BRF1: variants seen among roughly 807,000 people sequenced by gnomAD.
BRF1 encodes transcription factor IIIB 90 kDa subunit.
A neutral mutation model predicts 81.7 loss-of-function variants in BRF1; 59 were observed. That is an observed-to-expected ratio of 0.72 (90% CI 0.59 to 0.90). BRF1 has a LOEUF of 0.90. Ranked by LOEUF, BRF1 falls within the 40% of genes least tolerant of loss-of-function variation. BRF1 has a pLI of 0.00. For missense variants in BRF1, 1,050 were observed against 936.3 expected, an observed-to-expected ratio of 1.12 and a Z score of -1.58; for synonymous variants, 491 against 395.6, an observed-to-expected ratio of 1.24 and a Z score of -2.86.
In BRF1 at chr14:105,252,506, C is replaced by A. The variant is rs760328197; in HGVS notation, c.544+1G>T. The stretch of plus-strand genomic sequence containing the variant: ...CCCCAGCATCTCACCCAGATGCCTA[C>A]CTATGGCCGGCGCATTGATGCAGAG... On this transcript the variant is annotated splice_donor_variant, in intron 5 of 17. Transcript: ENST00000547530. LOFTEE classifies it high-confidence loss of function. The A allele has an allele frequency of 6.2e-7, 1 of 1,613,616 alleles. No homozygotes were observed. The highest frequency in any genetic ancestry group is 8.5e-7 in the Non-Finnish European group (1 of 1,179,896).
intron 10 of BRF1, among the ~76,000 whole-genome samples, chr14:105,224,248 A>C (rs1271656399): frequency 1.3e-5 from 2 of 152,240 alleles, no homozygotes; most frequent in African/African-American, 4.8e-5. Context: ...GCATGCCTGT[A>C]GTCCCAACTA....
At chr14:105,248,332 A>C in intron 5 of BRF1, 4 of 985,482 alleles carry the variant, frequency 4.1e-6, no homozygotes, top group Non-Finnish European at 4.8e-6. Context: ...CGCTAACTGA[A>C]GAACGGGCGC....
At chr14:105,257,405 C>T (rs766338184) in intron 3 of BRF1, among the ~76,000 whole-genome samples, 40 of 152,176 alleles carry the variant, frequency 2.6e-4, no homozygotes, top group Non-Finnish European at 4.3e-4. Flanking sequence ...ATGGTTAGGA[C>T]GCCAGCCCAC....
At chr14:105,258,885 C>CA (rs375486081) in intron 3 of BRF1, among the ~76,000 whole-genome samples, 38 of 149,624 alleles carry the variant, frequency 2.5e-4, no homozygotes, top group Middle Eastern at 6.8e-3. Context: ...TTCATGAAGA[C>CA]AAAAAAAAAT....
intron 1 of BRF1, among the ~76,000 whole-genome samples, chr14:105,308,768 A>C (rs138800733): frequency 6.6e-6 from 1 of 151,952 alleles, no homozygotes; most frequent in South Asian, 2.1e-4. Flanking sequence ...GGCATGAGCC[A>C]CTGTGCCCAG....
intron 10 of BRF1, among the ~76,000 whole-genome samples, 196 bp downstream of exon 10, chr14:105,225,873 C>A (rs1893002838): frequency 6.6e-6 from 1 of 152,200 alleles, no homozygotes; most frequent in African/African-American, 2.4e-5. Context: ...GTCTCCATCT[C>A]CTGACCTCGT....
At chr14:105,274,828 C>G (rs959557726) in intron 2 of BRF1, among the ~76,000 whole-genome samples, 3 of 152,252 alleles carry the variant, frequency 2.0e-5, no homozygotes, top group Non-Finnish European at 4.4e-5. Context: ...TTACTGCCCC[C>G]ACTTCTGTCT....
chr14:105,298,293 C>G (rs1368518385), intron 1 of BRF1, among the ~76,000 whole-genome samples: 2 of 152,092 alleles, frequency 1.3e-5, no homozygotes, highest in Non-Finnish European at 2.9e-5. Context: ...AAAGGAAGAA[C>G]AAAGGTTGAG....
At chr14:105,211,752 CAGTCCAGGTGAA>C in intron 16 of BRF1, 2 of 388,902 alleles carry the variant, frequency 5.1e-6, no homozygotes, top group Non-Finnish European at 9.5e-6. Flanking sequence ...CAACAAGTGA[CAGTCCAGGTGAA>C]AGACCCCTGA....
chr14:105,305,373 G>A (rs980825127), upstream of BRF1, among the ~76,000 whole-genome samples: 3 of 152,118 alleles, frequency 2.0e-5, no homozygotes, highest in Admixed American at 2.0e-4. Context: ...CTCCACTCCA[G>A]CCTGGGCGAC....
chr14:105,247,267 C>G (rs899590452), intron 5 of BRF1: 2 of 985,452 alleles, frequency 2.0e-6, no homozygotes, highest in Non-Finnish European at 2.4e-6. Flanking sequence ...ACGGCTTGGC[C>G]GTGCGGAGTT....
In BRF1 at chr14:105,241,297, G is replaced by A. The variant is rs1326365827; in HGVS notation, c.662C>T (p.Thr221Ile). 3 of 1,612,574 alleles carry A rather than the reference G, an allele frequency of 1.9e-6. No homozygotes were observed. The highest frequency in any genetic ancestry group is 1.1e-5 in the South Asian group (1 of 91,080). Residue 221 changes from threonine (T) to isoleucine (I), a missense_variant, in exon 6 of 18, where the codon ACA becomes ATA. Around this residue, in one of 2 missense-constraint regions of BRF1, gnomAD observed 1,043 missense variants for 915.4 expected, o/e 1.14. Coordinates refer to ENST00000547530, the MANE Select transcript of BRF1 (RefSeq NM_001519.4). ...GCAGAGGCCCGAGGGGCGCCGGCCT[G>A]TGTGCATCCAGTCCCGCTTCATCCT... ...LQRMKRDWMH[T>I]GRRPSGLCGA...
intron 5 of BRF1, 135 bp from the exon 6 acceptor site, chr14:105,241,549 C>A (rs1009847245): frequency 1.8e-5 from 21 of 1,158,410 alleles, no homozygotes; most frequent in Non-Finnish European, 2.4e-5. Flanking sequence ...TTCCCCTCCC[C>A]TGGACAAAGC....
chr14:105,219,396 G>T (rs587761317), intron 12 of BRF1, 164 bp from the exon 13 acceptor site: 3 of 1,416,844 alleles, frequency 2.1e-6, no homozygotes, highest in Non-Finnish European at 2.8e-6. Flanking sequence ...CGCGCGGGGC[G>T]AGTTGGGGAC....
chr14:105,314,581 T>G (rs1463720195), intron 1 of BRF1: 1 of 144,106 alleles, frequency 6.9e-6, no homozygotes. Context: ...GCACCTCACT[T>G]CCGGCGCGCG....
At chr14:105,261,257 AT>A (rs1213924738) in intron 3 of BRF1, among the ~76,000 whole-genome samples, 2 of 152,200 alleles carry the variant, frequency 1.3e-5, no homozygotes, top group African/African-American at 4.8e-5. Flanking sequence ...AGGTGACACA[AT>A]GCCCTCAAAG....
chr14:105,255,671 C>T (rs1448391839), intron 4 of BRF1, among the ~76,000 whole-genome samples: 1 of 152,228 alleles, frequency 6.6e-6, no homozygotes, highest in Non-Finnish European at 1.5e-5. Context: ...GTGCCCCCAC[C>T]CTGTATCCTG....
intron 2 of BRF1, among the ~76,000 whole-genome samples, chr14:105,285,536 A>C (rs923267776): frequency 3.3e-5 from 5 of 152,246 alleles, no homozygotes; most frequent in African/African-American, 1.2e-4. Flanking sequence ...CCTACTGGAA[A>C]GAGAGGAAGG....
chr14:105,216,413 A>G (rs1342858003), intron 15 of BRF1, among the ~76,000 whole-genome samples: 1 of 152,162 alleles, frequency 6.6e-6, no homozygotes, highest in Non-Finnish European at 1.5e-5. Context: ...CCTCTGCCCC[A>G]CTGACCTCCT....
Sources: gnomAD v4.1 joint callset for allele counts (sites outside exome capture counted in the v4.1 genomes callset) on GRCh38, gnomAD v4.1.1 for gene constraint, gnomAD v4.1.1 regional missense constraint, MANE v1.5 for transcripts, NCBI Gene and HGNC (gene_info 2026-07-23, HGNC 2026-07-21) for gene names.